The following ST6GALNAC2 variants were observed in gnomAD, a reference collection of about 807,000 sequenced individuals.
ST6GALNAC2 encodes the protein alpha-N-acetylgalactosaminide alpha-2,6-sialyltransferase 2.
Under a neutral mutation model 38.7 loss-of-function variants are expected in ST6GALNAC2, and 42 were observed. The observed-to-expected ratio is 1.09, with a 90% confidence interval of 0.85 to 1.40. The LOEUF (loss-of-function observed/expected upper bound fraction) is 1.40. Among genes scored for constraint, ST6GALNAC2 ranks in the 40% most tolerant of loss-of-function variants. The pLI is 0.00. For missense variants in ST6GALNAC2, 506 were observed against 481.7 expected (o/e 1.05, Z -0.47); for synonymous variants, 233 against 209.0 (o/e 1.11, Z -0.99).
rs1445018440 is a variant in ST6GALNAC2, at chr17:76,566,022, T to C, written c.*82A>G. On this transcript the variant is annotated 3_prime_UTR_variant, in exon 9 of 9. Coordinates refer to ENST00000225276, the MANE Select transcript of ST6GALNAC2 (RefSeq NM_006456.3). Reference sequence around the variant, plus strand: ...TCTGTTGGCAAGGGAAGGTGAAGATTGAAAAGTTAAAAAAGCTTTTGGCCA... The same window carrying C: ...TCTGTTGGCAAGGGAAGGTGAAGATCGAAAAGTTAAAAAAGCTTTTGGCCA... 1.7e-5 allele frequency: 25 copies of C among 1,453,458 alleles called. No individual in the cohort carries two copies. Among genetic ancestry groups the C allele is most frequent in the Non-Finnish European group, 2.2e-5 (24 of 1,076,662 alleles). 90.0% of individuals were successfully genotyped at this position (1,453,458 alleles called of 1,614,324 possible). A position where few individuals can be genotyped will look rare whatever the true frequency, so the allele number is the denominator to read the frequency against.
At chr17:76,575,060 A>G (rs2075400290) in intron 2 of ST6GALNAC2, among the ~76,000 whole-genome samples, 1 of 152,102 alleles carries the variant, frequency 6.6e-6, no homozygotes, top group African/African-American at 2.4e-5. Context: ...CCTCTCCCAG[A>G]GGCCATGTCC....
At chr17:76,579,671 G>A (rs554854274) in intron 1 of ST6GALNAC2, among the ~76,000 whole-genome samples, 2 of 152,316 alleles carry the variant, frequency 1.3e-5, no homozygotes, top group South Asian at 2.1e-4. Context: ...CTTCATGAAT[G>A]GATTAATTTG....
At chr17:76,570,724 A>G in intron 5 of ST6GALNAC2, 56 bp from the exon 6 acceptor site, 3 of 1,374,704 alleles carry the variant, frequency 2.2e-6, no homozygotes, top group Non-Finnish European at 3.0e-6. Context: ...TTAGCTCCTC[A>G]GTGTGGACAG....
intron 1 of ST6GALNAC2, among the ~76,000 whole-genome samples, chr17:76,583,373 C>A (rs62086618): frequency 8.2e-5 from 1 of 12,182 alleles, no homozygotes. Flanking sequence ...GAGACTCTGT[C>A]CCAAAAAAAA....
intron 7 of ST6GALNAC2, chr17:76,567,859 TTC>T (rs1223097460): frequency 5.9e-5 from 19 of 320,328 alleles, no homozygotes; most frequent in Non-Finnish European, 1.1e-4. Context: ...AGACTGCAGT[TTC>T]TCTCTACTCC....
At chr17:76,585,380 G>A (rs1320670900) in intron 1 of ST6GALNAC2, among the ~76,000 whole-genome samples, 1 of 152,252 alleles carries the variant, frequency 6.6e-6, no homozygotes, top group Non-Finnish European at 1.5e-5. Context: ...AATAGAAAGT[G>A]TACTTATCAG....
intron 2 of ST6GALNAC2, among the ~76,000 whole-genome samples, chr17:76,577,386 T>C (rs1445213911): frequency 6.6e-6 from 1 of 151,874 alleles, no homozygotes; most frequent in Non-Finnish European, 1.5e-5. Context: ...TCTTCTTATA[T>C]GTGTCCAAAA....
chr17:76,577,089 G>A (rs1278334419), intron 2 of ST6GALNAC2, among the ~76,000 whole-genome samples: 2 of 141,948 alleles, frequency 1.4e-5, no homozygotes, highest in African/African-American at 2.7e-5. Flanking sequence ...TTTTTGAGAC[G>A]GAGTTTCGCT....
chr17:76,585,811 AG>A lies in ST6GALNAC2; in HGVS notation c.-4del, dbSNP rs1457580034. 9 of 1,538,636 alleles carry A rather than the reference AG, an allele frequency of 5.8e-6. No homozygotes were observed. The highest frequency in any genetic ancestry group is 7.9e-6 in the Non-Finnish European group (9 of 1,145,320). On this transcript the variant is annotated 5_prime_UTR_variant, in exon 1 of 9. Transcript: ENST00000225276. The stretch of plus-strand genomic sequence containing the variant: ...AACGACCCGCGCGGGAGCCCCATAC[AG>A]CCCCGGCCCGCGAGCGCCCCGTCCG...
intron 6 of ST6GALNAC2, chr17:76,569,711 A>G (rs1482693013): frequency 8.9e-6 from 3 of 335,532 alleles, no homozygotes; most frequent in Non-Finnish European, 1.1e-5. Context: ...GCCCAAGCCC[A>G]GCGTGTCACA....
rs572193531 is a variant in ST6GALNAC2 at position 76,578,329 on chromosome 17, G to A, written c.186+427C>T. ...AAAATTAATGCTGTCTGTTACTTAC[G>A]GTTATAAGGCAGGGCCCTGAAGCTT... On this transcript the variant is annotated intron_variant, in intron 2 of 8. Coordinates refer to ENST00000225276, the MANE Select transcript of ST6GALNAC2 (RefSeq NM_006456.3). Among the ~76,000 whole-genome samples the A allele has an allele frequency of 4.6e-5, 7 of 152,150 alleles. No individual in the cohort carries two copies. The East Asian group carries it at 5.8e-4, about 13-fold the overall frequency.
At chr17:76,570,247 A>C in intron 6 of ST6GALNAC2, 4 of 313,584 alleles carry the variant, frequency 1.3e-5, no homozygotes, top group East Asian at 7.0e-5. Flanking sequence ...CTGGGCAGGG[A>C]GAGTGCAGCC....
At chr17:76,568,420 G>GCTGACGGCGCCACTGCTA in intron 7 of ST6GALNAC2, 1 of 467,260 alleles carries the variant, frequency 2.1e-6, no homozygotes, top group Admixed American at 3.6e-5. Flanking sequence ...CGCCACTGCT[G>GCTGACGGCGCCACTGCTA]CTGTGCACCT....
rs1423942451 is a variant in ST6GALNAC2, at chr17:76,566,273, T to C, written c.958-2A>G. 6.2e-7 allele frequency: 1 copy of C among 1,613,884 alleles called. No individual in the cohort carries two copies. Among genetic ancestry groups the C allele is most frequent in the Non-Finnish European group, 8.5e-7 (1 of 1,179,956 alleles). ...TGTGATGAATCCATAGGCACTGACC[T>C]GGGCAAGGATAGTCGCTGGATTAGT... is the stretch of plus-strand genomic sequence containing the variant. On this transcript the variant is annotated splice_acceptor_variant, in intron 8 of 8. Coordinates refer to ENST00000225276, the MANE Select transcript of ST6GALNAC2 (RefSeq NM_006456.3). LOFTEE classifies it high-confidence loss of function.
rs749076506 is a variant in ST6GALNAC2, at chr17:76,573,166, C to T, written c.530+29G>A. ...CCACCCTCCAGGCAACTCTCCCTCCCGCCCCTCCCCAGCTCCTACCCCTCA... is the reference window on the plus strand; with the variant it reads ...CCACCCTCCAGGCAACTCTCCCTCCTGCCCCTCCCCAGCTCCTACCCCTCA... On this transcript the variant is annotated intron_variant, in intron 4 of 8. Coordinates refer to ENST00000225276, the MANE Select transcript of ST6GALNAC2 (RefSeq NM_006456.3). This position sits in a 1 kb window ranked among gnomAD's most constrained non-coding sequence, Gnocchi z 5.1. 10 of 1,569,570 alleles carry T rather than the reference C, an allele frequency of 6.4e-6. No homozygotes were observed. Among genetic ancestry groups the T allele is most frequent in the South Asian group, 2.3e-5 (2 of 85,976 alleles).
chr17:76,570,264 C>A (rs575212368), intron 6 of ST6GALNAC2: 2 of 374,854 alleles, frequency 5.3e-6, no homozygotes, highest in African/African-American at 4.1e-5. Context: ...AGCCCAAAGC[C>A]GAGAAGCCAG....
intron 1 of ST6GALNAC2, 125 bp downstream of exon 1, chr17:76,585,559 C>T: frequency 8.7e-7 from 1 of 1,150,704 alleles, no homozygotes; most frequent in Non-Finnish European, 1.2e-6. Flanking sequence ...CTGAGAGCTG[C>T]CCCAGAGGGG....
At chr17:76,566,303 G>A (rs748386024) in intron 8 of ST6GALNAC2, 32 bp from the exon 9 acceptor site, 4 of 1,610,954 alleles carry the variant, frequency 2.5e-6, no homozygotes, top group East Asian at 4.5e-5. Context: ...ATTAGTATTT[G>A]TTGAGCGTCT....
intron 7 of ST6GALNAC2, 133 bp downstream of exon 7, chr17:76,568,580 C>A (rs751953268): frequency 1.0e-5 from 8 of 802,994 alleles, no homozygotes; most frequent in African/African-American, 1.7e-5. Flanking sequence ...GCTTTGCACA[C>A]AGCACTCGGG....
Sources: allele counts gnomAD v4.1 joint callset (sites outside exome capture counted in the v4.1 genomes callset), GRCh38; gene constraint gnomAD v4.1.1; non-coding constraint Gnocchi (gnomAD v3.1); transcripts MANE v1.5; gene names NCBI Gene and HGNC (gene_info 2026-07-23, HGNC 2026-07-21).